GLP2R: variants seen among roughly 807,000 people sequenced by gnomAD.
GLP2R encodes the protein glucagon-like peptide 2 receptor.
A neutral mutation model predicts 68.2 loss-of-function variants in GLP2R; 59 were observed. The observed-to-expected ratio is 0.87, with a 90% confidence interval of 0.70 to 1.07. The LOEUF is 1.07. GLP2R is among the 50% of genes least tolerant of loss of function. GLP2R has a pLI of 0.00. For synonymous variants in GLP2R, 270 were observed against 265.4 expected, an observed-to-expected ratio of 1.02 and a Z score of -0.17; for missense variants, 548 against 677.4, an observed-to-expected ratio of 0.81 and a Z score of 2.12.
intron 9 of GLP2R, among the ~76,000 whole-genome samples, chr17:9,863,002 G>T (rs1261639659): frequency 6.6e-6 from 1 of 152,156 alleles, no homozygotes; most frequent in African/African-American, 2.4e-5. Flanking sequence ...GACCTGGAGG[G>T]AAAAATGGTC....
Position 9,870,746 on chromosome 17 carries a change from G to A in GLP2R, c.1057-1G>A. 4 of 1,459,642 alleles carry A rather than the reference G, an allele frequency of 2.7e-6. No homozygotes were observed. Among genetic ancestry groups the A allele is most frequent in the Non-Finnish European group, 3.8e-6 (4 of 1,038,988 alleles). The allele number at this position is 1,459,642 out of a possible 1,614,324, so 90.4% of individuals were successfully genotyped here. ...TACCCAATTCTGCTCTTTTTTTCAAGGTCAATTTCTTCATCTTCCTGAAAA... is the reference window on the plus strand; with the variant it reads ...TACCCAATTCTGCTCTTTTTTTCAAAGTCAATTTCTTCATCTTCCTGAAAA... On this transcript the variant is annotated splice_acceptor_variant, in intron 9 of 12. Transcript: ENST00000262441. LOFTEE classifies it high-confidence loss of function.
intron 4 of GLP2R, among the ~76,000 whole-genome samples, chr17:9,842,900 C>A (rs963551961): frequency 6.6e-6 from 1 of 152,176 alleles, no homozygotes; most frequent in African/African-American, 2.4e-5. Flanking sequence ...TGTCCCAGCT[C>A]CCCTGTGGCT....
chr17:9,844,490 C>G (rs536418930), intron 4 of GLP2R, among the ~76,000 whole-genome samples: 3 of 151,636 alleles, frequency 2.0e-5, no homozygotes, highest in South Asian at 4.2e-4. Flanking sequence ...ATAGGTTTAC[C>G]GAGGAGCAAA....
rs1279716835 is a variant in GLP2R at position 9,833,796 on chromosome 17, T to A, written c.190-11T>A. 6.3e-7 allele frequency: 1 copy of A among 1,584,424 alleles called. No individual in the cohort carries two copies. Among genetic ancestry groups the A allele is most frequent in the Admixed American group, 1.7e-5 (1 of 58,582 alleles). On this transcript the variant is annotated splice_polypyrimidine_tract_variant and intron_variant, in intron 1 of 12. Coordinates refer to ENST00000262441, the MANE Select transcript of GLP2R (RefSeq NM_004246.3). The stretch of plus-strand genomic sequence containing the variant: ...TGGTCACTGGGGGTGACCATGTTTT[T>A]GTTTGCTCAGGTTACAGGATCCCTC...
chr17:9,833,402 T>C (rs780063153), intron 1 of GLP2R, among the ~76,000 whole-genome samples: 7 of 152,212 alleles, frequency 4.6e-5, no homozygotes, highest in Non-Finnish European at 8.8e-5. Flanking sequence ...ACCTGGGCAA[T>C]GCAGGCTTCT....
At chr17:9,885,680 A>C (rs1018744826) in intron 11 of GLP2R, among the ~76,000 whole-genome samples, 1 of 151,942 alleles carries the variant, frequency 6.6e-6, no homozygotes, top group South Asian at 2.1e-4. Context: ...AGAAACTTCC[A>C]GCCCTCTTAA....
In GLP2R at chr17:9,825,968, C is replaced by G. The variant is rs1597371832; in HGVS notation, c.-96C>G. ...TGGAGAGGATTTGTGCAAACATTTC[C>G]TCTGTGGACCAAGAGGAATGCAAGA... On this transcript the variant is annotated 5_prime_UTR_variant, in exon 1 of 13. Transcript: ENST00000262441. 1 of 1,013,504 alleles carries G rather than the reference C, an allele frequency of 9.9e-7. No homozygotes were observed. Among genetic ancestry groups the G allele is most frequent in the East Asian group, 2.6e-5 (1 of 38,318 alleles). The allele number at this position is 1,013,504 out of a possible 1,614,324, so 62.8% of individuals were successfully genotyped here.
chr17:9,857,454 A>C lies in GLP2R; in HGVS notation c.643A>C (p.Met215Leu), dbSNP rs767641586. The change falls in exon 6 of 13, where the codon ATG (methionine) becomes CTG (leucine). Residue 215 changes from methionine (M) to leucine (L), a missense_variant. Met to Leu is a conservative substitution (Grantham distance 15). Coordinates refer to ENST00000262441, the MANE Select transcript of GLP2R (RefSeq NM_004246.3). ...CCACTGCACGCGCAACTACATCCACATGAACTTGTTTGCTTCTTTCATCCT... is the reference window on the plus strand; with the variant it reads ...CCACTGCACGCGCAACTACATCCACCTGAACTTGTTTGCTTCTTTCATCCT... ...KLHCTRNYIH[M>L]NLFASFILRT... The C allele has an allele frequency of 1.2e-6, 2 of 1,614,202 alleles. No homozygotes were observed. The highest frequency in any genetic ancestry group is 2.2e-5 in the South Asian group (2 of 91,080).
rs1431572190 is a variant in GLP2R at position 9,861,161 on chromosome 17, A to G, written c.948A>G (p.Val316=). Residue 316 remains valine (V), a synonymous_variant, in exon 8 of 13, where the codon GTA becomes GTG. Transcript: ENST00000262441. ...LGWAFPVLFV[V]PWGFARAHLE... ...CAGCCTTCCCTGTGCTATTTGTTGT[A>G]CCCTGGGGTTTCGCCCGTGCACACC... 6.2e-7 allele frequency: 1 copy of G among 1,613,560 alleles called. No individual in the cohort carries two copies. The highest frequency in any genetic ancestry group is 8.5e-7 in the Non-Finnish European group (1 of 1,179,754).
At chr17:9,864,487 TTTGTTTG>T (rs1309150537) in intron 9 of GLP2R, among the ~76,000 whole-genome samples, 1 of 86,188 alleles carries the variant, frequency 1.2e-5, no homozygotes, top group African/African-American at 3.6e-5. Flanking sequence ...TTTCTGTTTT[TTTGTTTG>T]TTTGTTTGTT....
At chr17:9,870,208 C>G (rs535528485) in intron 9 of GLP2R, among the ~76,000 whole-genome samples, 1 of 152,260 alleles carries the variant, frequency 6.6e-6, no homozygotes, top group Admixed American at 6.5e-5. Context: ...GGGAATTACA[C>G]TTACTTCTCT....
chr17:9,889,269 C>T (rs138970516), intron 12 of GLP2R, 101 bp from the exon 13 acceptor site: 170 of 734,724 alleles, frequency 2.3e-4, no homozygotes, highest in South Asian at 7.3e-4. Context: ...AGGTAAATTT[C>T]CCAAGGGTGG....
intron 3 of GLP2R, among the ~76,000 whole-genome samples, chr17:9,838,893 GT>G (rs1313108912): frequency 2.0e-5 from 3 of 152,220 alleles, no homozygotes; most frequent in South Asian, 2.1e-4. Context: ...GGCGCCTGTA[GT>G]CCCAGCTACT....
At chr17:9,830,932 T>G (rs2066674258) in intron 1 of GLP2R, among the ~76,000 whole-genome samples, 1 of 152,232 alleles carries the variant, frequency 6.6e-6, no homozygotes, top group Admixed American at 6.5e-5. Context: ...CACTAAGCTG[T>G]TAAGGCATAA....
intron 11 of GLP2R, 39 bp downstream of exon 11, chr17:9,880,555 G>A (rs1475214008): frequency 1.4e-6 from 2 of 1,458,560 alleles, no homozygotes; most frequent in Admixed American, 2.0e-5. Flanking sequence ...TGACTTTGGA[G>A]AAAACAAAAT....
At chr17:9,842,726 G>T (rs114548018) in intron 4 of GLP2R, 110 bp downstream of exon 4, 1 of 1,201,066 alleles carries the variant, frequency 8.3e-7, no homozygotes. Context: ...CTTCTCCAGC[G>T]CCTCTCCCCG....
chr17:9,861,911 G>A, intron 8 of GLP2R, 110 bp from the exon 9 acceptor site: 3 of 792,614 alleles, frequency 3.8e-6, no homozygotes, highest in East Asian at 2.4e-5. Flanking sequence ...TGATTGGTGG[G>A]AAGTAGGGCT....
intron 4 of GLP2R, among the ~76,000 whole-genome samples, chr17:9,845,376 G>C (rs2066827750): frequency 6.6e-6 from 1 of 152,168 alleles, no homozygotes; most frequent in African/African-American, 2.4e-5. Context: ...TGGGGACAGG[G>C]GAAGGCAAGG....
rs960168270 is a variant in GLP2R at position 9,879,824 on chromosome 17, C to T, written c.1146-554C>T. Among the ~76,000 whole-genome samples the T allele has an allele frequency of 8.5e-5, 13 of 152,274 alleles. No individual in the cohort carries two copies. The Middle Eastern group carries it at 0.01, about 120-fold the overall frequency. ...TAAGGGGCAACATGAGGGCTGACAG[C>T]GAAGTCCAGAAAGGAGTCTGCAGGT... On this transcript the variant is annotated intron_variant, in intron 10 of 12. Coordinates refer to ENST00000262441, the MANE Select transcript of GLP2R (RefSeq NM_004246.3).
Sources: gnomAD v4.1 joint callset for allele counts (sites outside exome capture counted in the v4.1 genomes callset) on GRCh38, gnomAD v4.1.1 for gene constraint, MANE v1.5 for transcripts, NCBI Gene and HGNC (gene_info 2026-07-23, HGNC 2026-07-21) for gene names.